The following ZPR1 variants were observed in gnomAD, a reference collection of about 807,000 sequenced individuals.
ZPR1 encodes ZPR1 zinc finger.
In ZPR1, 37 loss-of-function variants were observed where a neutral mutation model predicts 59.6. That is an observed-to-expected ratio of 0.62 (90% confidence interval 0.48 to 0.82). The LOEUF (loss-of-function observed/expected upper bound fraction) is 0.82, where lower values mean the gene tolerates loss of function less well. Ranked by LOEUF, ZPR1 falls within the 40% of genes least tolerant of loss-of-function variation. The probability of loss-of-function intolerance (pLI) is 0.00; values close to 1 mark genes in which losing one functional copy is unlikely to be tolerated. For synonymous variants in ZPR1, 191 were observed against 215.2 expected, an observed-to-expected ratio of 0.89 and a Z score of 0.99; for missense variants, 527 against 579.9, an observed-to-expected ratio of 0.91 and a Z score of 0.94.
At position 116,783,451 on chromosome 11, in the gene ZPR1, T is replaced by C; in HGVS notation, c.981+79A>G. On this transcript the variant is annotated intron_variant, in intron 10 of 13. Transcript: ENST00000227322. ...ACCTCATGTCCCTGAACATTATTTC[T>C]AAAAGACAACTTCCCCTAGATAGAG... The C allele has an allele frequency of 2.3e-6, 3 of 1,305,298 alleles. No individual in the cohort carries two copies. The South Asian group carries it at 3.6e-5, about 16-fold the overall frequency. The allele number at this position is 1,305,298 out of a possible 1,614,324, so 80.9% of individuals were successfully genotyped here. A position where few individuals can be genotyped will look rare whatever the true frequency, so the allele number is the denominator to read the frequency against.
At chr11:116,779,736 G>A (rs895768142) in intron 13 of ZPR1, 36 bp downstream of exon 13, 1 of 1,459,066 alleles carries the variant, frequency 6.9e-7, no homozygotes, top group Admixed American at 1.8e-5. Flanking sequence ...ATCAGAAAAT[G>A]TATCTCTATG....
intron 11 of ZPR1, 26 bp downstream of exon 11, chr11:116,782,893 G>A: frequency 6.3e-7 from 1 of 1,590,302 alleles, no homozygotes; most frequent in Non-Finnish European, 8.6e-7. Flanking sequence ...CTCAAAGGTG[G>A]TTTACACACT....
In ZPR1 at chr11:116,784,492, C is replaced by A. The variant is rs1217986567; in HGVS notation, c.821-44G>T. 17 of 1,577,666 alleles carry A rather than the reference C, an allele frequency of 1.1e-5. No homozygotes were observed. The East Asian group carries it at 3.8e-4, about 35-fold the overall frequency. The stretch of plus-strand genomic sequence containing the variant: ...GAAATCTACTTCCAGGCGAACAAGA[C>A]CACCATCTGGGGAAAAACAAAGCCA... On this transcript the variant is annotated intron_variant, in intron 8 of 13. Transcript: ENST00000227322.
intron 13 of ZPR1, among the ~76,000 whole-genome samples, chr11:116,779,305 T>G (rs149828240): frequency 3.3e-5 from 5 of 152,346 alleles, no homozygotes; most frequent in African/African-American, 1.2e-4. Flanking sequence ...CACCTTCTTA[T>G]GAAAAGTATG....
At chr11:116,785,192 G>A (rs975577353) in intron 6 of ZPR1, 46 bp from the exon 7 acceptor site, 1 of 1,607,392 alleles carries the variant, frequency 6.2e-7, no homozygotes, top group Non-Finnish European at 8.5e-7. Context: ...GTATACCTCA[G>A]TGTCCCCAAC....
chr11:116,780,006 G>A (rs1420731798), intron 12 of ZPR1, among the ~76,000 whole-genome samples, 169 bp from the exon 13 acceptor site: 1 of 151,562 alleles, frequency 6.6e-6, no homozygotes, highest in African/African-American at 2.4e-5. Context: ...TAACAAACCT[G>A]CACGTTGTGC....
rs779344482 is a variant in ZPR1, at chr11:116,787,995, A to C, written c.-5T>G. On this transcript the variant is annotated 5_prime_UTR_variant, in exon 1 of 14. Transcript: ENST00000227322. ...CACAGCCCCGCTGGCCGCCATGGCC[A>C]CCACGCGCAATTCAGACCTCGGCTT... 1 of 1,426,168 alleles carries C rather than the reference A, an allele frequency of 7.0e-7. No homozygotes were observed. The highest frequency in any genetic ancestry group is 1.5e-5 in the South Asian group (1 of 65,960). 88.3% of individuals were successfully genotyped at this position (1,426,168 alleles called of 1,614,324 possible). A position where few individuals can be genotyped will look rare whatever the true frequency, so the allele number is the denominator to read the frequency against.
At chr11:116,787,679 A>G (rs368403539) in intron 1 of ZPR1, 36 bp from the exon 2 acceptor site, 35 of 1,595,102 alleles carry the variant, frequency 2.2e-5, no homozygotes, top group Middle Eastern at 1.9e-4. Context: ...AAAAAAATCA[A>G]TGAAACTCCC....
At position 116,779,039 on chromosome 11, in the gene ZPR1, A is replaced by T. The variant is rs766969968; in HGVS notation, c.1266T>A (p.Asp422Glu). ...SYLQNVYAPE[D>E]DPEMKVERYK... The stretch of plus-strand genomic sequence containing the variant: ...AACGCTCCACCTTCATCTCAGGATC[A>T]TCTTCAGGCGCATACACATTCTGCA... The change falls in exon 14 of 14, where the codon GAT (aspartate) becomes GAA (glutamate). Residue 422 changes from aspartate (D) to glutamate (E), a missense_variant. Transcript: ENST00000227322. The T allele has an allele frequency of 3.7e-6, 6 of 1,614,198 alleles. No homozygotes were observed. In the South Asian group the frequency reaches 6.6e-5, roughly 18 times the overall value.
In ZPR1 at chr11:116,776,250, A is replaced by C. The variant is rs1940721102; in HGVS notation, c.*2675T>G. 1 of 152,236 alleles carries C rather than the reference A, an allele frequency of 6.6e-6. No homozygotes were observed. Among genetic ancestry groups the C allele is most frequent in the African/African-American group, 2.4e-5 (1 of 41,460 alleles). 9.4% of individuals were successfully genotyped at this position (152,236 alleles called of 1,614,324 possible). On this transcript the variant is annotated 3_prime_UTR_variant, in exon 14 of 14. Transcript: ENST00000227322. ...CACTTTCCTTTTTTAACACAATCAC[A>C]AACCTTTTCCACTTAAATGTTACTC... is the stretch of plus-strand genomic sequence containing the variant.
chr11:116,783,165 T>C, intron 10 of ZPR1, 136 bp from the exon 11 acceptor site: 1 of 663,254 alleles, frequency 1.5e-6, no homozygotes, highest in Non-Finnish European at 2.6e-6. Flanking sequence ...ACTCCCTTGT[T>C]AAAGCTTGAG....
chr11:116,787,976 C>A lies in ZPR1; in HGVS notation c.15G>T (p.Gly5=). The A allele has an allele frequency of 2.8e-6, 4 of 1,431,410 alleles. No individual in the cohort carries two copies. The highest frequency in any genetic ancestry group is 3.6e-6 in the Non-Finnish European group (4 of 1,105,170). 88.7% of individuals were successfully genotyped at this position (1,431,410 alleles called of 1,614,324 possible). A position where few individuals can be genotyped will look rare whatever the true frequency, so the allele number is the denominator to read the frequency against. MAAS[G]AVEPGPPGAA... The stretch of plus-strand genomic sequence containing the variant: ...CCCCCGGGGGCCCTGGTTCCACAGC[C>A]CCGCTGGCCGCCATGGCCACCACGC... The change falls in exon 1 of 14, where the codon GGG becomes GGT. Residue 5 remains glycine (G), a synonymous_variant. Coordinates refer to ENST00000227322, the MANE Select transcript of ZPR1 (RefSeq NM_003904.5).
chr11:116,782,580 C>T (rs2075290), intron 11 of ZPR1, among the ~76,000 whole-genome samples: 139,083 of 152,264 alleles, frequency 0.91, 63,710 homozygotes, highest in African/African-American at 0.94. Flanking sequence ...AGGAGATAAA[C>T]ATTTGGGCTA....
rs1246264822 is a variant in ZPR1, at chr11:116,777,075, G to T, written c.*1850C>A. 1 of 152,180 alleles carries T rather than the reference G, an allele frequency of 6.6e-6. No individual in the cohort carries two copies. The highest frequency in any genetic ancestry group is 1.5e-5 in the Non-Finnish European group (1 of 68,038). 9.4% of individuals were successfully genotyped at this position (152,180 alleles called of 1,614,324 possible). A position where few individuals can be genotyped will look rare whatever the true frequency, so the allele number is the denominator to read the frequency against. ...TCCCACATGATAGTAAGATGCCAAA[G>T]AATCTGATATGGAGAGATGTCTGAA... On this transcript the variant is annotated 3_prime_UTR_variant, in exon 14 of 14. Coordinates refer to ENST00000227322, the MANE Select transcript of ZPR1 (RefSeq NM_003904.5).
chr11:116,779,771 C>G lies in ZPR1; in HGVS notation c.1245+1G>C, dbSNP rs1470974845. 1 of 1,601,774 alleles carries G rather than the reference C, an allele frequency of 6.2e-7. No individual in the cohort carries two copies. The highest frequency in any genetic ancestry group is 1.3e-5 in the African/African-American group (1 of 74,488). On this transcript the variant is annotated splice_donor_variant, in intron 13 of 13. Coordinates refer to ENST00000227322, the MANE Select transcript of ZPR1 (RefSeq NM_003904.5). LOFTEE classifies it high-confidence loss of function. ...GAAACATCAGGGAAGGTCTACTATACCTGCAAGTAACTGTTTCCTGCTGGA... is the reference window on the plus strand; with the variant it reads ...GAAACATCAGGGAAGGTCTACTATAGCTGCAAGTAACTGTTTCCTGCTGGA...
At position 116,774,169 on chromosome 11, in the gene ZPR1, T is replaced by C. The variant is rs1940690554; in HGVS notation, c.*4756A>G. Reference sequence around the variant, plus strand: ...GATATAATTATACATTGTGTAATGATTACCAAAATCAAATTAAGTAAAACA... The same window carrying C: ...GATATAATTATACATTGTGTAATGACTACCAAAATCAAATTAAGTAAAACA... On this transcript the variant is annotated 3_prime_UTR_variant, in exon 14 of 14. Coordinates refer to ENST00000227322, the MANE Select transcript of ZPR1 (RefSeq NM_003904.5). 6.6e-6 allele frequency: 1 copy of C among 152,218 alleles called. No homozygotes were observed. Among genetic ancestry groups the C allele is most frequent in the Non-Finnish European group, 1.5e-5 (1 of 68,038 alleles). The allele number at this position is 152,218 out of a possible 1,614,324, so 9.4% of individuals were successfully genotyped here.
At chr11:116,784,967 T>C (rs774569413) in intron 7 of ZPR1, 46 bp from the exon 8 acceptor site, 20 of 1,611,604 alleles carry the variant, frequency 1.2e-5, no homozygotes, top group Non-Finnish European at 1.7e-5. Flanking sequence ...CCAGATGGGA[T>C]GTTCAGGCTA....
At chr11:116,785,746 A>T in intron 5 of ZPR1, 50 bp downstream of exon 5, 1 of 1,611,938 alleles carries the variant, frequency 6.2e-7, no homozygotes, top group Non-Finnish European at 8.5e-7. Context: ...AGCAGTCTTA[A>T]TGGTCCCTCC....
At chr11:116,786,917 GT>G (rs1353578530) in intron 3 of ZPR1, 51 bp downstream of exon 3, 1 of 1,466,346 alleles carries the variant, frequency 6.8e-7, no homozygotes, top group Non-Finnish European at 9.6e-7. Context: ...AAGAAAGAGG[GT>G]AAGATTCTAG....
Sources: gnomAD v4.1 joint callset for allele counts (sites outside exome capture counted in the v4.1 genomes callset) on GRCh38, gnomAD v4.1.1 for gene constraint, MANE v1.5 for transcripts, NCBI Gene and HGNC (gene_info 2026-07-23, HGNC 2026-07-21) for gene names.